FRMPD4: variants seen among roughly 807,000 people sequenced by gnomAD.
FRMPD4 encodes the protein FERM and PDZ domain containing 4, also known as FERM and PDZ domain-containing protein 4.
In FRMPD4, 22 loss-of-function variants were observed where a neutral mutation model predicts 94.1. The ratio of observed to expected loss-of-function variants is 0.23; its 90% CI spans 0.17 to 0.33. The LOEUF (loss-of-function observed/expected upper bound fraction) is 0.33, where lower values mean the gene tolerates loss of function less well. Ranked by LOEUF, FRMPD4 falls within the 10% of genes least tolerant of loss-of-function variation. FRMPD4 has a pLI of 1.00. For synonymous variants in FRMPD4, 631 were observed against 548.6 expected (o/e 1.15, Z -2.10); for missense variants, 1,111 against 1,339.9 (o/e 0.83, Z 2.67).
chrX:12,456,744 A>C (rs1042338190), intron 1 of FRMPD4, among the ~76,000 whole-genome samples: 1 of 113,227 alleles, frequency 8.8e-6, no homozygotes, highest in Non-Finnish European at 1.9e-5. Context: ...AAACAGGTTT[A>C]AACTGCAGTA....
intron 3 of FRMPD4, among the ~76,000 whole-genome samples, chrX:11,984,706 G>T (rs376055543): frequency 1.1e-4 from 12 of 112,331 alleles, no homozygotes; most frequent in African/African-American, 3.2e-4. Flanking sequence ...TGGATAGTCT[G>T]CCACTATAGG....
chrX:12,008,059 T>C (rs1470049986), intron 3 of FRMPD4, among the ~76,000 whole-genome samples: 1 of 111,971 alleles, frequency 8.9e-6, no homozygotes, highest in Non-Finnish European at 1.9e-5. Flanking sequence ...CACTGACTAA[T>C]AGAGGCTGCT....
At chrX:11,856,597 A>G (rs1227728075) in intron 1 of FRMPD4, among the ~76,000 whole-genome samples, 1 of 112,031 alleles carries the variant, frequency 8.9e-6, no homozygotes, top group Non-Finnish European at 1.9e-5. Flanking sequence ...CATAGCCAGT[A>G]TCATATTGAA....
chrX:12,331,599 A>G (rs1298614088), intron 1 of FRMPD4, among the ~76,000 whole-genome samples: 1 of 85,435 alleles, frequency 1.2e-5, no homozygotes, highest in Non-Finnish European at 2.2e-5. Context: ...AATCATATAT[A>G]TATATAATAT....
chrX:11,898,405 C>A (rs980205492), intron 3 of FRMPD4, among the ~76,000 whole-genome samples: 1 of 110,970 alleles, frequency 9.0e-6, no homozygotes, highest in South Asian at 3.8e-4. Flanking sequence ...TTGAGCATAC[C>A]CTCCTCTTTA....
rs180892096 is a variant in FRMPD4 at position 11,871,639 on chromosome X, G to A, written c.-29-6256G>A. Among the ~76,000 whole-genome samples, 396 of 112,068 alleles carry A rather than the reference G, an allele frequency of 3.5e-3. 2 individuals are homozygous for A. The highest frequency in any genetic ancestry group is 0.014 in the Middle Eastern group (3 of 218). ...CATCTGTAATCTCAACTCTGTTGGAGGGCATTGAGCATTGCAGCTAGACTG... is the reference window on the plus strand; with the variant it reads ...CATCTGTAATCTCAACTCTGTTGGAAGGCATTGAGCATTGCAGCTAGACTG... On this transcript the variant is annotated intron_variant, in intron 2 of 18. Coordinates refer to the FRMPD4 transcript ENST00000640291.
At chrX:12,041,361 G>C (rs1244090242) in intron 3 of FRMPD4, among the ~76,000 whole-genome samples, 1 of 112,024 alleles carries the variant, frequency 8.9e-6, no homozygotes, top group Non-Finnish European at 1.9e-5. Context: ...TCTAGCAACA[G>C]ATTCTGTAAG....
intron 1 of FRMPD4, among the ~76,000 whole-genome samples, chrX:11,857,955 G>T (rs1422307316): frequency 3.6e-5 from 4 of 112,216 alleles, no homozygotes; most frequent in Non-Finnish European, 5.6e-5. Context: ...ATGTAAAAAA[G>T]CCCAACATCA....
intron 3 of FRMPD4, among the ~76,000 whole-genome samples, chrX:12,015,121 A>G (rs1410720039): frequency 9.0e-6 from 1 of 111,412 alleles, no homozygotes; most frequent in East Asian, 2.8e-4. Flanking sequence ...TTAATTCTAA[A>G]AGTGTGGTCA....
At chrX:12,658,866 C>T (rs1367325526) in intron 4 of FRMPD4, among the ~76,000 whole-genome samples, 2 of 111,967 alleles carry the variant, frequency 1.8e-5, no homozygotes, top group African/African-American at 6.5e-5. Context: ...TTAACTGGGC[C>T]CACACTTCCA....
intron 1 of FRMPD4, among the ~76,000 whole-genome samples, chrX:12,454,933 C>T (rs1393261009): frequency 9.2e-6 from 1 of 108,555 alleles, no homozygotes; most frequent in East Asian, 2.9e-4. Context: ...TGATGCAGGG[C>T]CGTAAATGGA....
chrX:12,349,215 A>G (rs755167541), intron 1 of FRMPD4, among the ~76,000 whole-genome samples: 1 of 111,711 alleles, frequency 9.0e-6, no homozygotes, highest in African/African-American at 3.2e-5. Context: ...GCAGTCAGCT[A>G]TGCAGAAGTT....
At chrX:12,709,511 C>A (rs182777654) in intron 13 of FRMPD4, among the ~76,000 whole-genome samples, 1 of 111,505 alleles carries the variant, frequency 9.0e-6, no homozygotes, top group Non-Finnish European at 1.9e-5. Context: ...TTTAGTGAGG[C>A]CTTTTCTCAA....
At chrX:12,227,824 GGA>G (rs750580451) in intron 1 of FRMPD4, among the ~76,000 whole-genome samples, 19,457 of 94,134 alleles carry the variant, frequency 0.21, 1,861 homozygotes, top group East Asian at 0.46. Flanking sequence ...AGAAAGAGAG[GGA>G]GAGAGAGAGA....
intron 1 of FRMPD4, among the ~76,000 whole-genome samples, chrX:12,225,917 T>A (rs2056917158): frequency 9.0e-6 from 1 of 111,048 alleles, no homozygotes; most frequent in African/African-American, 3.3e-5. Flanking sequence ...ACTGCTGGAG[T>A]TCAGAACATG....
intron 3 of FRMPD4, among the ~76,000 whole-genome samples, chrX:12,011,422 T>C (rs1047422551): frequency 8.9e-6 from 1 of 112,282 alleles, no homozygotes; most frequent in Non-Finnish European, 1.9e-5. Context: ...TAAATTTCAG[T>C]GATTCAATCA....
At chrX:12,702,057 C>T in intron 10 of FRMPD4, 47 bp downstream of exon 10, 1 of 1,152,163 alleles carries the variant, frequency 8.7e-7, no homozygotes, top group Non-Finnish European at 1.2e-6. Flanking sequence ...CATGCCGCCT[C>T]CCTTAGCCCG....
chrX:12,664,704 G>A (rs1036641202), intron 4 of FRMPD4, among the ~76,000 whole-genome samples: 1 of 111,790 alleles, frequency 8.9e-6, no homozygotes, highest in Non-Finnish European at 1.9e-5. Flanking sequence ...GTATCAGGAC[G>A]ATGCTGGCCT....
At chrX:12,209,313 C>T (rs1308673287) in intron 1 of FRMPD4, among the ~76,000 whole-genome samples, 1 of 111,994 alleles carries the variant, frequency 8.9e-6, no homozygotes, top group Non-Finnish European at 1.9e-5. Flanking sequence ...GAGATTAACA[C>T]TAATTTGTTT....
Sources: allele counts gnomAD v4.1 joint callset (sites outside exome capture counted in the v4.1 genomes callset), GRCh38; gene constraint gnomAD v4.1.1; transcripts MANE v1.5; gene names NCBI Gene and HGNC (gene_info 2026-07-23, HGNC 2026-07-21).